RIT2: variants seen among roughly 807,000 people sequenced by gnomAD.
RIT2 encodes Ras like without CAAX 2, also known as GTP-binding protein Rit2.
A neutral mutation model predicts 23.7 loss-of-function variants in RIT2; 24 were observed. The observed-to-expected ratio is 1.01, with a 90% CI of 0.73 to 1.43. The LOEUF is 1.43. RIT2 is among the 40% of genes most tolerant of loss of function. RIT2 has a pLI of 0.00. For synonymous variants in RIT2, 107 were observed against 91.1 expected, an observed-to-expected ratio of 1.17 and a Z score of -0.99; for missense variants, 236 against 266.9, an observed-to-expected ratio of 0.88 and a Z score of 0.81.
At chr18:42,868,341 A>C (rs1246603130) in intron 4 of RIT2, among the ~76,000 whole-genome samples, 1 of 152,174 alleles carries the variant, frequency 6.6e-6, no homozygotes, top group Non-Finnish European at 1.5e-5. Context: ...TAAATTATTA[A>C]AAATAATAGC....
chr18:42,988,466 G>A (rs937788232), intron 2 of RIT2, among the ~76,000 whole-genome samples: 29 of 152,032 alleles, frequency 1.9e-4, no homozygotes, highest in African/African-American at 6.5e-4. Context: ...GACCGTGTTG[G>A]TGAGTATTGG....
At chr18:42,945,791 G>T in intron 3 of RIT2, among the ~76,000 whole-genome samples, 1 of 151,964 alleles carries the variant, frequency 6.6e-6, no homozygotes, top group Non-Finnish European at 1.5e-5. Context: ...TGCAAGCAAC[G>T]CATATCAAAT....
intron 4 of RIT2, among the ~76,000 whole-genome samples, chr18:42,902,610 GA>G (rs5824457): frequency 0.93 from 140,672 of 151,348 alleles, 65,390 homozygotes; most frequent in East Asian, 1. Context: ...GATGGGAATG[GA>G]AAAAAATTGG....
intron 4 of RIT2, among the ~76,000 whole-genome samples, chr18:42,829,292 T>G (rs1906390909): frequency 6.6e-6 from 1 of 152,206 alleles, no homozygotes; most frequent in Non-Finnish European, 1.5e-5. Flanking sequence ...TCAAACATGA[T>G]TTTTAGATCT....
At chr18:42,892,298 T>C (rs16977097) in intron 4 of RIT2, among the ~76,000 whole-genome samples, 6,760 of 152,298 alleles carry the variant, frequency 0.044, 325 homozygotes, top group East Asian at 0.18. Flanking sequence ...CTTAAGTGAA[T>C]GTCTTTTCTT....
At chr18:43,034,400 GACC>G (rs1461211509) in intron 1 of RIT2, among the ~76,000 whole-genome samples, 2 of 151,248 alleles carry the variant, frequency 1.3e-5, no homozygotes, top group Non-Finnish European at 2.9e-5. Flanking sequence ...TTATGTTATC[GACC>G]ACCTTTTCTT....
intron 4 of RIT2, among the ~76,000 whole-genome samples, chr18:42,838,734 C>G (rs1283073469): frequency 1.3e-5 from 2 of 152,150 alleles, no homozygotes; most frequent in Admixed American, 6.6e-5. Flanking sequence ...TTCTTGATTA[C>G]ACGCCTCAGA....
chr18:42,956,683 G>T (rs185393080), intron 3 of RIT2, among the ~76,000 whole-genome samples: 139 of 152,170 alleles, frequency 9.1e-4, no homozygotes, highest in Non-Finnish European at 1.0e-3. Context: ...TTACATGTGG[G>T]TTAGCTTGCA....
At chr18:42,854,588 C>T (rs552586473) in intron 4 of RIT2, among the ~76,000 whole-genome samples, 22 of 152,122 alleles carry the variant, frequency 1.4e-4, no homozygotes, top group African/African-American at 1.4e-4. Flanking sequence ...CCTTTGGAAC[C>T]GAAACAAACA....
chr18:42,812,002 C>A (rs1905865604), intron 4 of RIT2, among the ~76,000 whole-genome samples: 1 of 152,022 alleles, frequency 6.6e-6, no homozygotes, highest in African/African-American at 2.4e-5. Flanking sequence ...AAAGAAGATA[C>A]TTGGAAGCAG....
chr18:42,861,606 AT>A (rs1434675101), intron 4 of RIT2, among the ~76,000 whole-genome samples: 1 of 152,250 alleles, frequency 6.6e-6, no homozygotes, highest in African/African-American at 2.4e-5. Context: ...GCTCAGAAAT[AT>A]AACAGAGACC....
At chr18:43,036,986 C>A (rs1911996241) in intron 1 of RIT2, among the ~76,000 whole-genome samples, 1 of 152,166 alleles carries the variant, frequency 6.6e-6, no homozygotes, top group Non-Finnish European at 1.5e-5. Context: ...GTTTTATATC[C>A]TTAGAAAATT....
At chr18:43,061,678 C>A (rs1912648940) in intron 1 of RIT2, among the ~76,000 whole-genome samples, 1 of 152,034 alleles carries the variant, frequency 6.6e-6, no homozygotes. Context: ...CGTCCACAGA[C>A]CAATCAGCAA....
At chr18:43,042,320 C>A (rs191364845) in intron 1 of RIT2, among the ~76,000 whole-genome samples, 2 of 152,332 alleles carry the variant, frequency 1.3e-5, no homozygotes, top group East Asian at 1.9e-4. Context: ...TTAATTGTTA[C>A]CATCATCACC....
At chr18:43,103,355 G>A (rs1474173789) in intron 1 of RIT2, among the ~76,000 whole-genome samples, 5 of 152,060 alleles carry the variant, frequency 3.3e-5, no homozygotes, top group African/African-American at 1.2e-4. Flanking sequence ...GGAAAAGAAA[G>A]ACAATATAAA....
chr18:43,057,053 C>T (rs949553057), intron 1 of RIT2, among the ~76,000 whole-genome samples: 1 of 80,458 alleles, frequency 1.2e-5, no homozygotes, highest in African/African-American at 5.3e-5. Flanking sequence ...ATTAGTCGGG[C>T]GGGGGGTGGG....
At chr18:42,761,887 C>T (rs1913311732) in intron 4 of RIT2, among the ~76,000 whole-genome samples, 1 of 152,208 alleles carries the variant, frequency 6.6e-6, no homozygotes, top group South Asian at 2.1e-4. Context: ...CTCAGTGACA[C>T]CTAATTCAGC....
intron 4 of RIT2, among the ~76,000 whole-genome samples, chr18:42,781,490 G>A (rs1598651289): frequency 6.6e-6 from 1 of 152,080 alleles, no homozygotes; most frequent in Non-Finnish European, 1.5e-5. Context: ...ACCACCCAAA[G>A]CAGCCTCTCT....
chr18:42,746,348 A>G (rs771889405), intron 4 of RIT2, among the ~76,000 whole-genome samples: 19 of 152,144 alleles, frequency 1.2e-4, no homozygotes, highest in Non-Finnish European at 1.9e-4. Context: ...TAAAAGACAA[A>G]GACTGTTCAA....
Sources: allele counts gnomAD v4.1 joint callset (sites outside exome capture counted in the v4.1 genomes callset), GRCh38; gene constraint gnomAD v4.1.1; transcripts MANE v1.5; gene names NCBI Gene and HGNC (gene_info 2026-07-23, HGNC 2026-07-21).